PI4KA: variants seen among roughly 807,000 people sequenced by gnomAD.
The protein encoded by PI4KA is phosphatidylinositol 4-kinase alpha, also known as PI4-kinase alpha.
Under a neutral mutation model 271.4 loss-of-function variants are expected in PI4KA, and 122 were observed. The ratio of observed to expected loss-of-function variants is 0.45; its 90% confidence interval spans 0.39 to 0.52. The LOEUF is 0.52. Ranked by LOEUF, PI4KA falls within the 20% of genes least tolerant of loss-of-function variation. The pLI, the probability that PI4KA is intolerant of heterozygous loss-of-function variation, is 0.00. For missense variants in PI4KA, 1,969 were observed against 2,769.1 expected, an observed-to-expected ratio of 0.71 and a Z score of 6.48; for synonymous variants, 1,041 against 1,078.8, an observed-to-expected ratio of 0.96 and a Z score of 0.69.
intron 4 of PI4KA, among the ~76,000 whole-genome samples, chr22:20,821,499 C>T (rs1052836148): frequency 3.3e-5 from 5 of 152,066 alleles, no homozygotes; most frequent in Admixed American, 6.6e-5. Context: ...AGATTATAGG[C>T]GTGAGCCACT....
At chr22:20,830,272 C>T (rs1416773171) in intron 3 of PI4KA, among the ~76,000 whole-genome samples, 1 of 152,198 alleles carries the variant, frequency 6.6e-6, no homozygotes, top group African/African-American at 2.4e-5. Flanking sequence ...TTACCTAAGC[C>T]TCTTCATAGG....
Position 20,733,045 on chromosome 22 carries a change from C to T in PI4KA, c.4214G>A (p.Ser1405Asn), listed in dbSNP as rs1928261048. 6.2e-6 allele frequency: 10 copies of T among 1,611,560 alleles called. No individual in the cohort carries two copies. Among genetic ancestry groups the T allele is most frequent in the South Asian group, 3.3e-5 (3 of 90,986 alleles). Reference protein sequence around the residue: ...QGEKRLREDISIMIKFWTAMF... With the variant: ...QGEKRLREDINIMIKFWTAMF... ...GGCGGTCCAAAATTTAATCATGATG[C>T]TTATGTCTTCACGCAGCCGCTTCTC... Residue 1405 changes from serine (S) to asparagine (N), a missense_variant, in exon 36 of 55, where the codon AGC (serine) becomes AAC (asparagine). Physicochemically the swap from Ser to Asn is conservative, Grantham distance 46. Transcript: ENST00000255882.
intron 29 of PI4KA, among the ~76,000 whole-genome samples, chr22:20,746,632 A>G (rs1371185307): frequency 2.0e-5 from 3 of 152,228 alleles, no homozygotes; most frequent in Non-Finnish European, 2.9e-5. Context: ...GTGGCCACCC[A>G]GTGGCAGAGA....
At position 20,729,456 on chromosome 22, in the gene PI4KA, C is replaced by T. The variant is rs1013739508; in HGVS notation, c.4539G>A (p.Pro1513=). The T allele has an allele frequency of 1.6e-5, 26 of 1,610,822 alleles. No homozygotes were observed. Among genetic ancestry groups the T allele is most frequent in the East Asian group, 8.9e-5 (4 of 44,740 alleles). ...LITWYNPLSA[P]ELELDQAGEN... ...CTCCGGCCTGGTCTAGTTCCAGTTC[C>T]GGGGCTGACAGCGGGTTGTACCATG... Residue 1513 remains proline (P), a synonymous_variant, in exon 39 of 55, where the codon CCG becomes CCA. Coordinates refer to ENST00000255882, the MANE Select transcript of PI4KA (RefSeq NM_058004.4).
At chr22:20,838,548 T>C in intron 2 of PI4KA, 67 bp downstream of exon 2, 2 of 879,266 alleles carry the variant, frequency 2.3e-6, no homozygotes, top group Non-Finnish European at 3.8e-6. Context: ...TATAAGCAGA[T>C]ACAAACTTAA....
chr22:20,713,188 T>C, intron 48 of PI4KA, 93 bp downstream of exon 48: 1 of 929,584 alleles, frequency 1.1e-6, no homozygotes, highest in South Asian at 1.4e-5. Flanking sequence ...AAGATTCACA[T>C]TTCTGCATAT....
Position 20,744,701 on chromosome 22 carries a change from C to T in PI4KA, c.3383G>A (p.Arg1128His), listed in dbSNP as rs796765440. ...TTLGATQLSE[R>H]PACVKKDYSN... ...GTAGTCTTTCTTCACACAGGCCGGG[C>T]GCTCGCTCAGCTGAGTTGCCTACAG... The change falls in exon 30 of 55, where the codon CGC (arginine) becomes CAC (histidine). Residue 1128 changes from arginine (R) to histidine (H), a missense_variant. By Grantham distance (29) the Arg-to-His change is conservative. Around this residue, in one of 13 missense-constraint regions of PI4KA, gnomAD observed 203 missense variants for 256.8 expected, o/e 0.79. Coordinates refer to ENST00000255882, the MANE Select transcript of PI4KA (RefSeq NM_058004.4). 2 of 1,613,936 alleles carry T rather than the reference C, an allele frequency of 1.2e-6. No homozygotes were observed. The highest frequency in any genetic ancestry group is 1.3e-5 in the African/African-American group (1 of 74,916).
intron 7 of PI4KA, among the ~76,000 whole-genome samples, chr22:20,815,929 A>C (rs1242135888): frequency 1.3e-5 from 2 of 150,958 alleles, no homozygotes; most frequent in African/African-American, 4.9e-5. Flanking sequence ...AGGGGGTGTC[A>C]TTGAAACTTC....
intron 32 of PI4KA, among the ~76,000 whole-genome samples, chr22:20,735,069 GCCAGGCCTGGGAGC>G (rs1295037078): frequency 1.3e-5 from 2 of 151,872 alleles, no homozygotes. Context: ...AGCCACCATG[GCCAGGCCTGGGAGC>G]CCAGGGTCAG....
In PI4KA at chr22:20,724,527, G is replaced by A. The variant is rs187729805; in HGVS notation, c.4995+1961C>T. On this transcript the variant is annotated intron_variant, in intron 42 of 54. Coordinates refer to ENST00000255882, the MANE Select transcript of PI4KA (RefSeq NM_058004.4). ...GGAGGCTGAGGCAGGAGAACTGCTT[G>A]AATCTGGGAGGCAGAGGCTGCAAGG... is the stretch of plus-strand genomic sequence containing the variant. Among the ~76,000 whole-genome samples, 100 of 151,992 alleles carry A rather than the reference G, an allele frequency of 6.6e-4. No homozygotes were observed. The East Asian group carries it at 0.018, about 27-fold the overall frequency.
intron 3 of PI4KA, among the ~76,000 whole-genome samples, chr22:20,824,738 A>G (rs757708516): frequency 2.6e-4 from 16 of 60,546 alleles, no homozygotes; most frequent in Non-Finnish European, 4.6e-4. Flanking sequence ...TAAATCACAC[A>G]CACACACACA....
intron 9 of PI4KA, among the ~76,000 whole-genome samples, chr22:20,807,885 T>C (rs1355180863): frequency 6.6e-6 from 1 of 152,182 alleles, no homozygotes; most frequent in Non-Finnish European, 1.5e-5. Context: ...AACTTATGTT[T>C]TGTAATTAAA....
In PI4KA at chr22:20,707,800, T is replaced by G; in HGVS notation, c.*247A>C. 1.7e-6 allele frequency: 1 copy of G among 589,184 alleles called. No individual in the cohort carries two copies. The highest frequency in any genetic ancestry group is 1.9e-5 in the South Asian group (1 of 51,294). 36.5% of individuals were successfully genotyped at this position (589,184 alleles called of 1,614,324 possible). A position where few individuals can be genotyped will look rare whatever the true frequency, so the allele number is the denominator to read the frequency against. On this transcript the variant is annotated 3_prime_UTR_variant, in exon 55 of 55. Coordinates refer to ENST00000255882, the MANE Select transcript of PI4KA (RefSeq NM_058004.4). Reference sequence around the variant, plus strand: ...CCTATGAAATAAGACAGGTAGGGAATATGTCCAGTGCAAACAGAGGACTCA... The same window carrying G: ...CCTATGAAATAAGACAGGTAGGGAAGATGTCCAGTGCAAACAGAGGACTCA...
At chr22:20,755,185 C>T (rs545035560) in intron 23 of PI4KA, among the ~76,000 whole-genome samples, 13 of 152,246 alleles carry the variant, frequency 8.5e-5, no homozygotes, top group African/African-American at 9.6e-5. Flanking sequence ...ATTACAGAAC[C>T]GTGGATGTTT....
At chr22:20,811,367 C>A (rs565099820) in intron 8 of PI4KA, among the ~76,000 whole-genome samples, 16 of 152,148 alleles carry the variant, frequency 1.1e-4, no homozygotes, top group Non-Finnish European at 1.9e-4. Flanking sequence ...GGTTAACAGG[C>A]ACAGTTGTGT....
intron 3 of PI4KA, among the ~76,000 whole-genome samples, chr22:20,824,907 T>A (rs1923198671): frequency 6.6e-6 from 1 of 151,138 alleles, no homozygotes; most frequent in Admixed American, 6.6e-5. Flanking sequence ...CCGTCTCTAC[T>A]AAAAATACAA....
At chr22:20,755,747 A>C (rs573014378) in intron 23 of PI4KA, among the ~76,000 whole-genome samples, 5 of 151,674 alleles carry the variant, frequency 3.3e-5, no homozygotes, top group African/African-American at 1.2e-4. Flanking sequence ...GGTTGCAGGG[A>C]GCTGAGATTG....
Position 20,727,847 on chromosome 22 carries a change from G to A in PI4KA, c.4700C>T (p.Ala1567Val). The change falls in exon 40 of 55, where the codon GCC becomes GTC. Residue 1567 changes from alanine to valine, a missense_variant. Transcript: ENST00000255882. Reference protein sequence around the residue: ...QLPARFKNTEAIGNEVTRLVR... With the variant: ...QLPARFKNTEVIGNEVTRLVR... ...GAGACGGGTCACTTCGTTCCCAATG[G>A]CTTCTGTGTTCTTAAACCTACAGTG... The A allele has an allele frequency of 6.2e-7, 1 of 1,613,950 alleles. No individual in the cohort carries two copies. Among genetic ancestry groups the A allele is most frequent in the Non-Finnish European group, 8.5e-7 (1 of 1,179,862 alleles).
intron 19 of PI4KA, among the ~76,000 whole-genome samples, chr22:20,790,695 AACAAACACACACACAC>A (rs1569037332): frequency 1.1e-5 from 1 of 92,364 alleles, no homozygotes; most frequent in African/African-American, 5.2e-5. Context: ...ATTTAAAAAA[AACAAACACACACACAC>A]ACACACACAC....
Sources: gnomAD v4.1 joint callset for allele counts (sites outside exome capture counted in the v4.1 genomes callset) on GRCh38, gnomAD v4.1.1 for gene constraint, gnomAD v4.1.1 regional missense constraint, MANE v1.5 for transcripts, NCBI Gene and HGNC (gene_info 2026-07-23, HGNC 2026-07-21) for gene names.